The following PRCC variants were observed in gnomAD, a reference collection of about 807,000 sequenced individuals.
PRCC encodes proline-rich protein PRCC.
Under a neutral mutation model 44.0 loss-of-function variants are expected in PRCC, and 10 were observed. That is an observed-to-expected ratio of 0.23 (90% confidence interval 0.14 to 0.39). The LOEUF (loss-of-function observed/expected upper bound fraction) is 0.39. Among genes scored for constraint, PRCC ranks in the 10% least tolerant of loss-of-function variants. The pLI is 1.00. For missense variants in PRCC, 573 were observed against 624.7 expected, an observed-to-expected ratio of 0.92 and a Z score of 0.88; for synonymous variants, 278 against 259.5, an observed-to-expected ratio of 1.07 and a Z score of -0.69.
intron 1 of PRCC, among the ~76,000 whole-genome samples, chr1:156,769,646 C>A (rs1651551442): frequency 6.6e-6 from 1 of 152,018 alleles, no homozygotes; most frequent in South Asian, 2.1e-4. Context: ...GTAGCCCAGG[C>A]TGCAGTGCAG....
chr1:156,784,902 G>A (rs1394202570), intron 2 of PRCC, among the ~76,000 whole-genome samples: 1 of 152,226 alleles, frequency 6.6e-6, no homozygotes, highest in South Asian at 2.1e-4. Flanking sequence ...TGAGCTTACA[G>A]ATCAAAAGTT....
intron 4 of PRCC, 49 bp from the exon 5 acceptor site, chr1:156,794,616 C>T (rs943947907): frequency 2.5e-6 from 4 of 1,606,564 alleles, no homozygotes. Flanking sequence ...GTGGCATCTG[C>T]TGACACCCTT....
Position 156,795,285 on chromosome 1 carries a change from G to GTTTTTTTTTTTTTTTTT in PRCC, c.1323+485_1323+501dup, listed in dbSNP as rs35911411. On this transcript the variant is annotated intron_variant, in intron 5 of 6. Transcript: ENST00000271526. ...CTTCCAATTGTTTTCATTTTCTGGT[G>GTTTTTTTTTTTTTTTTT]TTTTTTTTTTTTTTTTTTTTTTTTC... 7.5e-4 allele frequency among the ~76,000 whole-genome samples: 27 copies of GTTTTTTTTTTTTTTTTT among 36,060 alleles called. 4 individuals are homozygous for GTTTTTTTTTTTTTTTTT. The highest frequency in any genetic ancestry group is 1.3e-3 in the African/African-American group (9 of 7,174). The allele number at this position is 36,060 out of a possible 152,430, so 23.7% of individuals were successfully genotyped here.
chr1:156,771,533 G>A (rs970186868), intron 1 of PRCC, among the ~76,000 whole-genome samples: 3 of 152,148 alleles, frequency 2.0e-5, no homozygotes, highest in Admixed American at 6.5e-5. Context: ...CTAAGGAGAG[G>A]ATTCAAGATT....
At position 156,791,750 on chromosome 1, in the gene PRCC, C is replaced by A. The variant is rs373000279; in HGVS notation, c.1137C>A (p.Pro379=). Residue 379 remains proline (P), a synonymous_variant, in exon 4 of 7, where the codon CCC becomes CCA. Transcript: ENST00000271526. The part of the protein sequence containing the change: ...YPAQDPALVP[P]QEIAPDASFI... The stretch of plus-strand genomic sequence containing the variant: ...CACAGGACCCGGCCCTGGTCCCCCC[C>A]CAGGAAATTGCCCCAGATGCCTCCT... 5.6e-6 allele frequency: 9 copies of A among 1,613,844 alleles called. No homozygotes were observed. Among genetic ancestry groups the A allele is most frequent in the Admixed American group, 3.3e-5 (2 of 59,954 alleles).
rs1032600546 is a variant in PRCC at position 156,800,231 on chromosome 1, A to G, written c.1390-143A>G. On this transcript the variant is annotated intron_variant, in intron 6 of 6. Coordinates refer to ENST00000271526, the MANE Select transcript of PRCC (RefSeq NM_005973.5). The stretch of plus-strand genomic sequence containing the variant: ...CTTGGGGCCTTTCCCTTTTACTTTG[A>G]TAAGTCTTTCAAGGGGTTTGCAGTT... 2.6e-5 allele frequency: 17 copies of G among 662,392 alleles called. No individual in the cohort carries two copies. The East Asian group carries it at 3.8e-4, about 15-fold the overall frequency. 41.0% of individuals were successfully genotyped at this position (662,392 alleles called of 1,614,324 possible).
intron 6 of PRCC, among the ~76,000 whole-genome samples, chr1:156,798,631 C>T (rs1171416233): frequency 6.6e-6 from 1 of 151,842 alleles, no homozygotes; most frequent in African/African-American, 2.4e-5. Context: ...CTGAGGCGGG[C>T]GGATCACGAG....
chr1:156,791,955 A>C (rs1364647281), intron 4 of PRCC, among the ~76,000 whole-genome samples, 163 bp downstream of exon 4: 2 of 151,870 alleles, frequency 1.3e-5, no homozygotes, highest in Non-Finnish European at 2.9e-5. Flanking sequence ...AGTGGCTTAT[A>C]TAAAGGAAGT....
chr1:156,791,954 T>C (rs375161898), intron 4 of PRCC, among the ~76,000 whole-genome samples, 162 bp downstream of exon 4: 10 of 151,452 alleles, frequency 6.6e-5, no homozygotes, highest in East Asian at 3.9e-4. Flanking sequence ...TAGTGGCTTA[T>C]ATAAAGGAAG....
intron 6 of PRCC, among the ~76,000 whole-genome samples, chr1:156,800,014 A>G (rs1369164475): frequency 6.6e-6 from 1 of 152,192 alleles, no homozygotes; most frequent in African/African-American, 2.4e-5. Context: ...TGGGTGTCTA[A>G]GAGAGCTGAT....
In PRCC at chr1:156,773,914, C is replaced by T. The variant is rs190110266; in HGVS notation, c.468+5675C>T. Reference sequence around the variant, plus strand: ...TGCACACGTTAGGATATTATTCAACCTGAAAAAGGAATGAAATTCCGATAC... The same window carrying T: ...TGCACACGTTAGGATATTATTCAACTTGAAAAAGGAATGAAATTCCGATAC... On this transcript the variant is annotated intron_variant, in intron 1 of 6. Coordinates refer to ENST00000271526, the MANE Select transcript of PRCC (RefSeq NM_005973.5). Among the ~76,000 whole-genome samples, 11 of 152,218 alleles carry T rather than the reference C, an allele frequency of 7.2e-5. No individual in the cohort carries two copies. In the East Asian group the frequency reaches 1.9e-3, roughly 27 times the overall value.
chr1:156,797,513 T>G (rs1247138170), intron 6 of PRCC, among the ~76,000 whole-genome samples, 172 bp downstream of exon 6: 1 of 152,210 alleles, frequency 6.6e-6, no homozygotes, highest in African/African-American at 2.4e-5. Context: ...TCCTTCAGAA[T>G]TATCCTGCTC....
At chr1:156,777,017 T>C (rs1175993608) in intron 1 of PRCC, among the ~76,000 whole-genome samples, 2 of 152,242 alleles carry the variant, frequency 1.3e-5, no homozygotes, top group African/African-American at 2.4e-5. Context: ...ATTTTTGAAC[T>C]TTGTTTAGAA....
intron 1 of PRCC, among the ~76,000 whole-genome samples, chr1:156,775,378 T>C (rs1277163084): frequency 1.3e-5 from 2 of 150,404 alleles, no homozygotes; most frequent in Non-Finnish European, 3.0e-5. Context: ...GGAGACAGGG[T>C]CCTGCTCTGT....
At chr1:156,792,690 A>G (rs1399852972) in intron 4 of PRCC, among the ~76,000 whole-genome samples, 5 of 152,090 alleles carry the variant, frequency 3.3e-5, no homozygotes. Context: ...CCTGGCCTCA[A>G]GTGATCAGCC....
chr1:156,777,544 G>A (rs1651872076), intron 1 of PRCC, among the ~76,000 whole-genome samples: 1 of 152,040 alleles, frequency 6.6e-6, no homozygotes, highest in Non-Finnish European at 1.5e-5. Flanking sequence ...AAACATATTT[G>A]GCAGCAGTTA....
chr1:156,788,250 G>A (rs1452427532), intron 3 of PRCC, among the ~76,000 whole-genome samples: 2 of 152,176 alleles, frequency 1.3e-5, no homozygotes, highest in African/African-American at 2.4e-5. Context: ...AAGTGAAAAC[G>A]TGGTATTTGG....
At chr1:156,783,796 A>G (rs1006385273) in intron 2 of PRCC, among the ~76,000 whole-genome samples, 2 of 151,826 alleles carry the variant, frequency 1.3e-5, no homozygotes, top group African/African-American at 4.8e-5. Context: ...ATAAAAAATA[A>G]AAAAATAAAA....
chr1:156,784,037 C>A (rs973588893), intron 2 of PRCC, among the ~76,000 whole-genome samples: 1 of 151,774 alleles, frequency 6.6e-6, no homozygotes, highest in Admixed American at 6.6e-5. Context: ...AGCTCCGCCT[C>A]CTGGGTTCAC....
Sources: allele counts gnomAD v4.1 joint callset (sites outside exome capture counted in the v4.1 genomes callset), GRCh38; gene constraint gnomAD v4.1.1; transcripts MANE v1.5; gene names NCBI Gene and HGNC (gene_info 2026-07-23, HGNC 2026-07-21).